HERC2: variants seen among roughly 807,000 people sequenced by gnomAD.
HERC2 encodes the protein HECT and RLD domain containing E3 ubiquitin protein ligase 2.
A neutral mutation model predicts 537.7 loss-of-function variants in HERC2; 102 were observed. The ratio of observed to expected loss-of-function variants is 0.19; its 90% confidence interval spans 0.16 to 0.22. The LOEUF is 0.22. HERC2 is among the 10% of genes least tolerant of loss of function. The pLI is 1.00. For missense variants in HERC2, 4,236 were observed against 6,198.2 expected, an observed-to-expected ratio of 0.68 and a Z score of 10.63; for synonymous variants, 2,224 against 2,466.2, an observed-to-expected ratio of 0.90 and a Z score of 2.91.
chr15:28,219,412 G>A (rs1202669346), intron 37 of HERC2, among the ~76,000 whole-genome samples: 1 of 152,254 alleles, frequency 6.6e-6, no homozygotes, highest in Non-Finnish European at 1.5e-5. Flanking sequence ...GAGGCTGAGG[G>A]AGGAAGCAGC....
At chr15:28,151,802 T>C (rs762730170) in intron 70 of HERC2, among the ~76,000 whole-genome samples, 1 of 150,134 alleles carries the variant, frequency 6.7e-6, no homozygotes, top group Non-Finnish European at 1.5e-5. Flanking sequence ...CAAGAAATAA[T>C]AGGAAACCAA....
At chr15:28,259,346 C>T (rs867456069) in intron 16 of HERC2, among the ~76,000 whole-genome samples, 28 of 152,062 alleles carry the variant, frequency 1.8e-4, no homozygotes, top group Admixed American at 2.0e-4. Context: ...CCACCCATCT[C>T]GGCCTCCCAA....
intron 78 of HERC2, among the ~76,000 whole-genome samples, chr15:28,139,010 CA>C (rs1890925691): frequency 1.3e-5 from 2 of 152,288 alleles, no homozygotes; most frequent in East Asian, 3.9e-4. Flanking sequence ...GTGGTGGAAA[CA>C]GCAAGAGAAC....
Position 28,256,118 on chromosome 15 carries a change from C to CG in HERC2, c.2716dup (p.Arg906ProfsTer15). ...GCAGGGCAGGAGAGCAGAGAGTGCCCGGGCCCGCTCCTCCGCGGTGGGCAG... is the reference window on the plus strand; with the variant it reads ...GCAGGGCAGGAGAGCAGAGAGTGCCCGGGGCCCGCTCCTCCGCGGTGGGCAG... On this transcript the variant is annotated frameshift_variant, in exon 18 of 93. Coordinates refer to ENST00000261609, the MANE Select transcript of HERC2 (RefSeq NM_004667.6). LOFTEE classifies it high-confidence loss of function. The CG allele has an allele frequency of 6.2e-7, 1 of 1,602,438 alleles. No homozygotes were observed. Among genetic ancestry groups the CG allele is most frequent in the South Asian group, 1.1e-5 (1 of 90,948 alleles).
intron 44 of HERC2, among the ~76,000 whole-genome samples, chr15:28,209,999 A>T (rs899153834): frequency 3.5e-5 from 4 of 113,834 alleles, no homozygotes; most frequent in Non-Finnish European, 4.9e-5. Flanking sequence ...CCCAGGCTGG[A>T]GTGCAGTGGC....
rs375479207 is a variant in HERC2 at position 28,177,067 on chromosome 15, G to C, written c.9315C>G (p.Ala3105=). The change falls in exon 61 of 93, where the codon GCC becomes GCG. Residue 3105 remains alanine, a synonymous_variant. Transcript: ENST00000261609. The surrounding 1 kb of genome is among the most constrained non-coding windows in gnomAD (Gnocchi z 5.0). ...ALKTKRIRDI[A]CGSSHSAALT... Reference sequence around the variant, plus strand: ...GGGCTGCGCTGTGCGAGCTCCCACAGGCGATATCCCGGATACGCTTGGTTT... The same window carrying C: ...GGGCTGCGCTGTGCGAGCTCCCACACGCGATATCCCGGATACGCTTGGTTT... 3.2e-5 allele frequency: 52 copies of C among 1,613,960 alleles called. No homozygotes were observed. Among genetic ancestry groups the C allele is most frequent in the Non-Finnish European group, 4.2e-5 (50 of 1,179,952 alleles).
chr15:28,177,336 T>C lies in HERC2; in HGVS notation c.9254+83A>G. The C allele has an allele frequency of 6.9e-7, 1 of 1,442,638 alleles. No homozygotes were observed. The highest frequency in any genetic ancestry group is 9.7e-7 in the Non-Finnish European group (1 of 1,031,326). The allele number at this position is 1,442,638 out of a possible 1,614,324, so 89.4% of individuals were successfully genotyped here. ...ACCATTTCTATAATCTATTCTATTC[T>C]AATTTTCTGCAAAATAATTCTCAAG... On this transcript the variant is annotated intron_variant, in intron 60 of 92. Coordinates refer to ENST00000261609, the MANE Select transcript of HERC2 (RefSeq NM_004667.6). This position sits in a 1 kb window ranked among gnomAD's most constrained non-coding sequence, Gnocchi z 5.0.
intron 4 of HERC2, among the ~76,000 whole-genome samples, chr15:28,284,731 A>G (rs2076107814): frequency 6.6e-6 from 1 of 152,156 alleles, no homozygotes; most frequent in East Asian, 1.9e-4. Flanking sequence ...CCTGGCCAAC[A>G]TGGCAAAACC....
chr15:28,266,854 G>A (rs1276126252), intron 12 of HERC2, among the ~76,000 whole-genome samples: 3 of 152,222 alleles, frequency 2.0e-5, no homozygotes, highest in Middle Eastern at 3.4e-3. Context: ...CCAACTGCGT[G>A]CACTTGTCAA....
chr15:28,262,688 T>C (rs534442514), intron 15 of HERC2, among the ~76,000 whole-genome samples: 1 of 125,292 alleles, frequency 8.0e-6, no homozygotes, highest in Non-Finnish European at 1.5e-5. Flanking sequence ...CAGGTTTAAA[T>C]TACATTTCAG....
chr15:28,267,881 A>C (rs1426581819), intron 12 of HERC2, among the ~76,000 whole-genome samples: 1 of 152,220 alleles, frequency 6.6e-6, no homozygotes, highest in East Asian at 1.9e-4. Flanking sequence ...GTGTACATAC[A>C]TCCCTCATTT....
chr15:28,285,841 T>C (rs2076143876), intron 4 of HERC2, among the ~76,000 whole-genome samples: 1 of 144,216 alleles, frequency 6.9e-6, no homozygotes, highest in African/African-American at 2.6e-5. Flanking sequence ...CCAACATTAG[T>C]GATGAAACGG....
intron 35 of HERC2, among the ~76,000 whole-genome samples, chr15:28,225,117 G>C (rs961169300): frequency 3.3e-5 from 5 of 152,168 alleles, no homozygotes; most frequent in Admixed American, 1.3e-4. Flanking sequence ...GCCAGGTGTG[G>C]TGCCTCACAC....
chr15:28,309,420 C>T (rs1472602710), intron 2 of HERC2, among the ~76,000 whole-genome samples: 1 of 152,074 alleles, frequency 6.6e-6, no homozygotes, highest in African/African-American at 2.4e-5. Flanking sequence ...TACATAATGA[C>T]TTTTTTGGTC....
intron 79 of HERC2, 120 bp from the exon 80 acceptor site, chr15:28,132,950 G>A: frequency 2.4e-6 from 2 of 839,226 alleles, no homozygotes; most frequent in South Asian, 2.7e-5. Flanking sequence ...CAATCAAGAA[G>A]AATCATTCAG....
chr15:28,185,014 ATTG>A (rs1896170401), intron 56 of HERC2, among the ~76,000 whole-genome samples: 1 of 147,380 alleles, frequency 6.8e-6, no homozygotes, highest in Admixed American at 6.9e-5. Flanking sequence ...GTGAACTGGT[ATTG>A]TCCCTATTTA....
intron 5 of HERC2, 174 bp downstream of exon 5, chr15:28,279,894 A>G (rs1349039898): frequency 6.6e-6 from 4 of 606,118 alleles, no homozygotes; most frequent in Non-Finnish European, 1.2e-5. Flanking sequence ...TTACTACATG[A>G]GCAAATTGGC....
At position 28,265,620 on chromosome 15, in the gene HERC2, T is replaced by C; in HGVS notation, c.1868A>G (p.Asn623Ser). 4 of 1,613,550 alleles carry C rather than the reference T, an allele frequency of 2.5e-6. No homozygotes were observed. Among genetic ancestry groups the C allele is most frequent in the Non-Finnish European group, 3.4e-6 (4 of 1,179,630 alleles). Residue 623 changes from asparagine (N) to serine (S), a missense_variant and splice_region_variant, in exon 14 of 93, where the codon AAC becomes AGC. By Grantham distance (46) the Asn-to-Ser change is conservative. Around this residue, in one of 27 missense-constraint regions of HERC2, gnomAD observed 754 missense variants for 1,085.0 expected, o/e 0.69. Transcript: ENST00000261609. This position sits in a 1 kb window ranked among gnomAD's most constrained non-coding sequence, Gnocchi z 4.0. Reference sequence around the variant, plus strand: ...AGGGTGGCGAGAGCTCTACGTACCGTTCTCAGTGACAGCCAGGGTTTGAGC... The same window carrying C: ...AGGGTGGCGAGAGCTCTACGTACCGCTCTCAGTGACAGCCAGGGTTTGAGC... ...GDAQTLAVTE[N>S]GQVWSWGDGD...
intron 2 of HERC2, among the ~76,000 whole-genome samples, chr15:28,309,890 C>T (rs914213830): frequency 1.3e-5 from 2 of 152,248 alleles, no homozygotes; most frequent in Admixed American, 1.3e-4. Context: ...TTTCTCTCAG[C>T]ACTCTTATTT....
Sources: allele counts gnomAD v4.1 joint callset (sites outside exome capture counted in the v4.1 genomes callset), GRCh38; gene constraint gnomAD v4.1.1; regional missense constraint gnomAD v4.1.1; non-coding constraint Gnocchi (gnomAD v3.1); transcripts MANE v1.5; gene names NCBI Gene and HGNC (gene_info 2026-07-23, HGNC 2026-07-21).